CCNF: variants seen among roughly 807,000 people sequenced by gnomAD.
CCNF encodes the protein cyclin-F.
CCNF carries 30 observed loss-of-function variants against 85.4 expected under a neutral mutation model. That is an observed-to-expected ratio of 0.35 (90% CI 0.26 to 0.48). CCNF has a LOEUF of 0.48. Among genes scored for constraint, CCNF ranks in the 20% least tolerant of loss-of-function variants. The pLI is 0.99. For missense variants in CCNF, 919 were observed against 1,010.4 expected (o/e 0.91, Z 1.23); for synonymous variants, 439 against 425.1 (o/e 1.03, Z -0.40).
intron 15 of CCNF, among the ~76,000 whole-genome samples, chr16:2,454,834 C>T (rs950645705): frequency 6.6e-5 from 10 of 152,024 alleles, no homozygotes; most frequent in African/African-American, 1.7e-4. Context: ...CCGAGGTGGG[C>T]GGATCACCTG....
Position 2,451,366 on chromosome 16 carries a change from C to T in CCNF, c.1487+1451C>T, listed in dbSNP as rs1255518533. 6.6e-6 allele frequency among the ~76,000 whole-genome samples: 1 copy of T among 152,094 alleles called. No individual in the cohort carries two copies. The highest frequency in any genetic ancestry group is 1.5e-5 in the Non-Finnish European group (1 of 68,000). ...TGGGGCTGGGGGCCATGAGTGGAGT[C>T]ATGGCAGTGAGGGGTGAGGGGGACA... On this transcript the variant is annotated intron_variant, in intron 13 of 16. Coordinates refer to ENST00000397066, the MANE Select transcript of CCNF (RefSeq NM_001761.3). This position sits in a 1 kb window ranked among gnomAD's most constrained non-coding sequence, Gnocchi z 4.3.
At chr16:2,443,131 A>G (rs1159770006) in intron 8 of CCNF, among the ~76,000 whole-genome samples, 3 of 133,110 alleles carry the variant, frequency 2.3e-5, no homozygotes, top group South Asian at 2.2e-4. Flanking sequence ...ATTATATATT[A>G]TATGTTTTAT....
Position 2,449,363 on chromosome 16 carries a change from C to T in CCNF, c.1300C>T (p.Leu434Phe), listed in dbSNP as rs544550720. Reference sequence around the variant, plus strand: ...GAGAACCCAGCACCTGTGCAGCTTCCTCTGCGAGCTCTCCCTGCTGCACAC... The same window carrying T: ...GAGAACCCAGCACCTGTGCAGCTTCTTCTGCGAGCTCTCCCTGCTGCACAC... The part of the protein sequence containing the change: ...ELRTQHLCSF[L>F]CELSLLHTSL... Residue 434 changes from leucine to phenylalanine, a missense_variant, in exon 12 of 17, where the codon CTC becomes TTC. Around this residue, in one of 3 missense-constraint regions of CCNF, gnomAD observed 505 missense variants for 514.8 expected, o/e 0.98. Transcript: ENST00000397066. The T allele has an allele frequency of 2.2e-5, 35 of 1,613,388 alleles. No individual in the cohort carries two copies. The highest frequency in any genetic ancestry group is 2.8e-5 in the Non-Finnish European group (33 of 1,179,976).
intron 8 of CCNF, among the ~76,000 whole-genome samples, chr16:2,442,940 ATAT>A (rs1397999960): frequency 5.1e-5 from 5 of 98,830 alleles, no homozygotes; most frequent in Non-Finnish European, 5.4e-5. Context: ...TGATTATTAT[ATAT>A]TATTATATTA....
intron 12 of CCNF, 43 bp from the exon 13 acceptor site, chr16:2,449,785 G>GTCCCTCCA: frequency 1.5e-6 from 1 of 653,730 alleles, no homozygotes. Flanking sequence ...CATCCCCTCC[G>GTCCCTCCA]TCCCCTCCAT....
chr16:2,438,168 T>TGGAGA, intron 6 of CCNF, 45 bp downstream of exon 6: 2 of 1,363,002 alleles, frequency 1.5e-6, no homozygotes, highest in Non-Finnish European at 2.1e-6. Flanking sequence ...GTTCGATACA[T>TGGAGA]CCCTAGCCGA....
In CCNF at chr16:2,431,023, A is replaced by G. The variant is rs1289249787; in HGVS notation, c.17-107A>G. 6.1e-6 allele frequency: 7 copies of G among 1,152,082 alleles called. No individual in the cohort carries two copies. The African/African-American group carries it at 9.1e-5, about 15-fold the overall frequency. The allele number at this position is 1,152,082 out of a possible 1,614,324, so 71.4% of individuals were successfully genotyped here. ...TTTTGTGGCACAGGGAATAGTAACC[A>G]TTAGATCATCTTCAGATGTAACTTT... On this transcript the variant is annotated intron_variant, in intron 1 of 16. Transcript: ENST00000397066.
rs911677633 is a variant in CCNF at position 2,458,353 on chromosome 16, C to G, written c.*1333C>G. On this transcript the variant is annotated 3_prime_UTR_variant, in exon 17 of 17. Transcript: ENST00000397066. ...TCAACTCACTGTAACCTCCGCCTCC[C>G]GGATACTCCTGCCTCAGCCTCCTGG... 6.6e-6 allele frequency: 1 copy of G among 151,844 alleles called. No individual in the cohort carries two copies. Among genetic ancestry groups the G allele is most frequent in the Non-Finnish European group, 1.5e-5 (1 of 67,952 alleles). The allele number at this position is 151,844 out of a possible 1,614,324, so 9.4% of individuals were successfully genotyped here. A position where few individuals can be genotyped will look rare whatever the true frequency, so the allele number is the denominator to read the frequency against.
rs1415712559 is a variant in CCNF at position 2,453,312 on chromosome 16, G to A, written c.1587+3G>A. ...ATGGAGAAATCAGCCAGGAAGAGGTGCCTCCCTCCCGCCACCTGGGCGTCT... is the reference window on the plus strand; with the variant it reads ...ATGGAGAAATCAGCCAGGAAGAGGTACCTCCCTCCCGCCACCTGGGCGTCT... On this transcript the variant is annotated splice_donor_region_variant and intron_variant, in intron 14 of 16. Transcript: ENST00000397066. This position sits in a 1 kb window ranked among gnomAD's most constrained non-coding sequence, Gnocchi z 5.6. 6 of 1,613,772 alleles carry A rather than the reference G, an allele frequency of 3.7e-6. No homozygotes were observed. The South Asian group carries it at 4.4e-5, about 12-fold the overall frequency.
intron 4 of CCNF, chr16:2,436,174 G>A: frequency 3.2e-6 from 1 of 316,508 alleles, no homozygotes; most frequent in Non-Finnish European, 5.9e-6. Context: ...TCCCTGCCCT[G>A]TGCGCCATGA....
rs143974143 is a variant in CCNF at position 2,433,046 on chromosome 16, G to A, written c.257G>A (p.Gly86Glu). The A allele has an allele frequency of 1.2e-4, 187 of 1,609,790 alleles. No individual in the cohort carries two copies. Among genetic ancestry groups the A allele is most frequent in the Admixed American group, 8.4e-5 (5 of 59,816 alleles). ...ASFQELWPSP[G>E]NLKLFERAAE... ...TTCCAGGAGCTGTGGCCGTCTCCAG[G>A]GAACCTGAAGCTCTTTGAAAGGTAT... Residue 86 changes from glycine (G) to glutamate (E), a missense_variant, in exon 3 of 17, where the codon GGG (glycine) becomes GAG (glutamate). Coordinates refer to ENST00000397066, the MANE Select transcript of CCNF (RefSeq NM_001761.3).
chr16:2,436,059 C>CT (rs2065289523), intron 4 of CCNF, 186 bp downstream of exon 4: 4 of 487,640 alleles, frequency 8.2e-6, no homozygotes, highest in Non-Finnish European at 1.5e-5. Context: ...TAATGATACT[C>CT]TGACTTTGCA....
chr16:2,453,659 AG>A lies in CCNF; in HGVS notation c.1715+124del. On this transcript the variant is annotated intron_variant, in intron 15 of 16. Coordinates refer to ENST00000397066, the MANE Select transcript of CCNF (RefSeq NM_001761.3). The surrounding 1 kb of genome is among the most constrained non-coding windows in gnomAD (Gnocchi z 5.6). The stretch of plus-strand genomic sequence containing the variant: ...GCTTGTCAGGGGAGCAGCAGATCCC[AG>A]GACAGTGACCCTGGGACGGAGCCCT... 1.5e-6 allele frequency: 2 copies of A among 1,306,232 alleles called. No homozygotes were observed. Among genetic ancestry groups the A allele is most frequent in the South Asian group, 2.6e-5 (2 of 76,246 alleles). 80.9% of individuals were successfully genotyped at this position (1,306,232 alleles called of 1,614,324 possible).
chr16:2,438,523 C>CCCAG (rs1303827908), intron 6 of CCNF, among the ~76,000 whole-genome samples: 4 of 151,654 alleles, frequency 2.6e-5, no homozygotes, highest in African/African-American at 9.7e-5. Context: ...TGCCCATAAT[C>CCCAG]CCAGCTACTC....
chr16:2,438,855 G>A (rs767206901), intron 6 of CCNF, among the ~76,000 whole-genome samples: 20 of 151,730 alleles, frequency 1.3e-4, no homozygotes, highest in East Asian at 1.9e-4. Flanking sequence ...AAAATTAGCC[G>A]GGCATGGTGG....
chr16:2,433,302 C>T (rs760378621), intron 3 of CCNF, among the ~76,000 whole-genome samples: 9 of 152,146 alleles, frequency 5.9e-5, no homozygotes, highest in Non-Finnish European at 1.3e-4. Context: ...GACACGGGCC[C>T]GTGGTGCCTC....
chr16:2,455,606 G>A (rs778412673), intron 16 of CCNF, 42 bp downstream of exon 16: 40 of 1,562,108 alleles, frequency 2.6e-5, no homozygotes, highest in Non-Finnish European at 3.2e-5. Context: ...ACATCACACA[G>A]AGGGTGGCTC....
chr16:2,450,446 G>GATT, intron 13 of CCNF, among the ~76,000 whole-genome samples: 1 of 148,862 alleles, frequency 6.7e-6, no homozygotes, highest in African/African-American at 2.5e-5. Flanking sequence ...GGGAGGCAGA[G>GATT]GTTGCGGTGA....
At chr16:2,454,343 C>T (rs367642337) in intron 15 of CCNF, among the ~76,000 whole-genome samples, 2 of 152,230 alleles carry the variant, frequency 1.3e-5, no homozygotes, top group African/African-American at 4.8e-5. Context: ...CCTGACCCTC[C>T]TGTGTCACTC....
Sources: allele counts gnomAD v4.1 joint callset (sites outside exome capture counted in the v4.1 genomes callset), GRCh38; gene constraint gnomAD v4.1.1; regional missense constraint gnomAD v4.1.1; non-coding constraint Gnocchi (gnomAD v3.1); transcripts MANE v1.5; gene names NCBI Gene and HGNC (gene_info 2026-07-23, HGNC 2026-07-21).